The following MAP2K1 variants were observed in gnomAD, a reference collection of about 807,000 sequenced individuals.
The protein encoded by MAP2K1 is dual specificity mitogen-activated protein kinase kinase 1.
MAP2K1 carries 16 observed loss-of-function variants against 46.3 expected under a neutral mutation model. The ratio of observed to expected loss-of-function variants is 0.35; its 90% CI spans 0.23 to 0.52. MAP2K1 has a LOEUF of 0.52. Among genes scored for constraint, MAP2K1 ranks in the 20% least tolerant of loss-of-function variants. The probability of loss-of-function intolerance (pLI) is 0.94; values close to 1 mark genes in which losing one functional copy is unlikely to be tolerated. For missense variants in MAP2K1, 263 were observed against 497.1 expected, an observed-to-expected ratio of 0.53 and a Z score of 4.48; for synonymous variants, 183 against 185.6, an observed-to-expected ratio of 0.99 and a Z score of 0.11.
intron 5 of MAP2K1, among the ~76,000 whole-genome samples, chr15:66,447,721 A>G (rs1891910751): frequency 6.6e-6 from 1 of 151,626 alleles, no homozygotes; most frequent in Admixed American, 6.6e-5. Flanking sequence ...TAAAAAATAT[A>G]TACATAAAAT....
intron 5 of MAP2K1, among the ~76,000 whole-genome samples, chr15:66,470,683 G>A (rs892460942): frequency 6.6e-6 from 1 of 152,146 alleles, no homozygotes; most frequent in African/African-American, 2.4e-5. Flanking sequence ...AGCTCAAGCT[G>A]GTACCAGCCA....
At chr15:66,445,597 A>G (rs1891848872) in intron 5 of MAP2K1, among the ~76,000 whole-genome samples, 1 of 152,238 alleles carries the variant, frequency 6.6e-6, no homozygotes, top group Admixed American at 6.5e-5. Context: ...AGGCAAAGAG[A>G]GAAACAAATT....
At chr15:66,405,387 TG>T (rs2093393917) in intron 1 of MAP2K1, among the ~76,000 whole-genome samples, 1 of 152,232 alleles carries the variant, frequency 6.6e-6, no homozygotes, top group Non-Finnish European at 1.5e-5. Context: ...AGTGTCCATG[TG>T]TGGCTAGTGG....
At chr15:66,437,931 G>A (rs2093492771) in intron 3 of MAP2K1, among the ~76,000 whole-genome samples, 1 of 151,656 alleles carries the variant, frequency 6.6e-6, no homozygotes, top group Admixed American at 6.6e-5. Context: ...CTTGGTCCTA[G>A]TGCTTGGCCT....
chr15:66,421,091 C>A (rs978281837), intron 1 of MAP2K1, among the ~76,000 whole-genome samples: 6 of 54,764 alleles, frequency 1.1e-4, no homozygotes. Context: ...CATACACACA[C>A]ATACACACAC....
At chr15:66,408,945 A>G (rs1333225513) in intron 1 of MAP2K1, among the ~76,000 whole-genome samples, 2 of 152,184 alleles carry the variant, frequency 1.3e-5, no homozygotes, top group African/African-American at 2.4e-5. Flanking sequence ...TCTAGTCAGC[A>G]GAAGATACTC....
chr15:66,440,128 G>C (rs1311168228), intron 3 of MAP2K1, among the ~76,000 whole-genome samples: 1 of 152,080 alleles, frequency 6.6e-6, no homozygotes, highest in East Asian at 1.9e-4. Context: ...GTCTTGCACT[G>C]TTGCCCATGC....
intron 3 of MAP2K1, among the ~76,000 whole-genome samples, chr15:66,442,907 T>G (rs1449201470): frequency 6.6e-6 from 1 of 152,008 alleles, no homozygotes; most frequent in African/African-American, 2.4e-5. Flanking sequence ...TTTTACTGGT[T>G]TATTATAAAG....
At chr15:66,461,742 T>C (rs1229313288) in intron 5 of MAP2K1, among the ~76,000 whole-genome samples, 4 of 152,190 alleles carry the variant, frequency 2.6e-5, no homozygotes, top group African/African-American at 9.7e-5. Context: ...AAGAAGCTGC[T>C]ACCCACCAAG....
intron 1 of MAP2K1, among the ~76,000 whole-genome samples, chr15:66,405,450 T>C (rs528382789): frequency 6.2e-4 from 95 of 152,344 alleles, no homozygotes; most frequent in African/African-American, 2.2e-3. Flanking sequence ...TGCAGAAAGT[T>C]CTATTAGTGC....
Position 66,427,850 on chromosome 15 carries a change from C to A in MAP2K1, c.81-7177C>A, listed in dbSNP as rs189823164. ...CCAACATGGTGAAACCCTGTCTCTA[C>A]TAAAAATACAAAAATTAGCCGGGCG... is the stretch of plus-strand genomic sequence containing the variant. On this transcript the variant is annotated intron_variant, in intron 1 of 10. Coordinates refer to ENST00000307102, the MANE Select transcript of MAP2K1 (RefSeq NM_002755.4). Among the ~76,000 whole-genome samples the A allele has an allele frequency of 2.9e-3, 445 of 151,868 alleles. 1 individual carries two copies. The highest frequency in any genetic ancestry group is 0.01 in the African/African-American group (415 of 41,452).
intron 5 of MAP2K1, among the ~76,000 whole-genome samples, chr15:66,478,473 T>TAC (rs1374443687): frequency 1.0e-5 from 1 of 96,402 alleles, no homozygotes; most frequent in Non-Finnish European, 2.1e-5. Flanking sequence ...TATATATATA[T>TAC]ACAGGTGTAT....
rs750934083 is a variant in MAP2K1 at position 66,490,571 on chromosome 15, G to A, written c.1138G>A (p.Gly380Ser). ...DFAGWLCSTI[G>S]LNQPSTPTHA... ...TGCAGGTTGGCTCTGCTCCACCATC[G>A]GCCTTAACCAGCCCAGCACACCAAC... is the stretch of plus-strand genomic sequence containing the variant. The change falls in exon 11 of 11, where the codon GGC becomes AGC. Residue 380 changes from glycine to serine, a missense_variant. By Grantham distance (56) the Gly-to-Ser change is moderately conservative. This residue lies in a region of MAP2K1 where 118 missense variants were observed against 193.0 expected (regional missense o/e 0.61). Transcript: ENST00000307102. The A allele has an allele frequency of 4.3e-6, 7 of 1,613,998 alleles. No homozygotes were observed. In the South Asian group the frequency reaches 4.4e-5, roughly 10 times the overall value.
chr15:66,463,193 C>G (rs1892373549), intron 5 of MAP2K1, among the ~76,000 whole-genome samples: 1 of 152,104 alleles, frequency 6.6e-6, no homozygotes, highest in African/African-American at 2.4e-5. Context: ...ATTAGGAAGC[C>G]CTCCTTTCTC....
At chr15:66,448,067 C>A (rs943381632) in intron 5 of MAP2K1, among the ~76,000 whole-genome samples, 11 of 145,802 alleles carry the variant, frequency 7.5e-5, no homozygotes, top group African/African-American at 2.8e-4. Flanking sequence ...GCATGAGAAT[C>A]ACTTGAACCT....
chr15:66,415,766 C>T (rs1323354907), intron 1 of MAP2K1, among the ~76,000 whole-genome samples: 1 of 152,016 alleles, frequency 6.6e-6, no homozygotes, highest in Non-Finnish European at 1.5e-5. Context: ...ATTCCATTTT[C>T]GTTAAACAAA....
intron 5 of MAP2K1, among the ~76,000 whole-genome samples, chr15:66,466,256 T>C (rs375837694): frequency 4.6e-5 from 7 of 152,376 alleles, no homozygotes; most frequent in Admixed American, 2.0e-4. Flanking sequence ...CAGATTTTTA[T>C]TGCACATATG....
chr15:66,429,680 T>TCCCCCCCCCCCCCCCCCCCCCCCCC (rs1567007438), intron 1 of MAP2K1, among the ~76,000 whole-genome samples: 3 of 31,918 alleles, frequency 9.4e-5, no homozygotes, highest in African/African-American at 1.8e-4. Context: ...CCCCCCCCCG[T>TCCCCCCCCCCCCCCCCCCCCCCCCC]CCCCCCCAAC....
intron 1 of MAP2K1, among the ~76,000 whole-genome samples, chr15:66,402,963 T>C (rs555831989): frequency 1.3e-5 from 2 of 152,142 alleles, no homozygotes; most frequent in South Asian, 4.1e-4. Flanking sequence ...TTCTGTTCTT[T>C]CCAAGGAGCT....
Sources: allele counts gnomAD v4.1 joint callset (sites outside exome capture counted in the v4.1 genomes callset), GRCh38; gene constraint gnomAD v4.1.1; regional missense constraint gnomAD v4.1.1; transcripts MANE v1.5; gene names NCBI Gene and HGNC (gene_info 2026-07-23, HGNC 2026-07-21).